C1orf21: variants seen among roughly 807,000 people sequenced by gnomAD.
The protein encoded by C1orf21 is chromosome 1 open reading frame 21, also known as uncharacterized protein C1orf21.
A neutral mutation model predicts 18.7 loss-of-function variants in C1orf21; 3 were observed. That is an observed-to-expected ratio of 0.16 (90% CI 0.07 to 0.42). The LOEUF (loss-of-function observed/expected upper bound fraction) is 0.42, where lower values mean the gene tolerates loss of function less well. Ranked by LOEUF, C1orf21 falls within the 10% of genes least tolerant of loss-of-function variation. The pLI, the probability that C1orf21 is intolerant of heterozygous loss-of-function variation, is 0.99. For missense variants in C1orf21, 104 were observed against 143.6 expected, an observed-to-expected ratio of 0.72 and a Z score of 1.41; for synonymous variants, 41 against 46.4, an observed-to-expected ratio of 0.88 and a Z score of 0.47.
At chr1:184,573,639 T>C (rs141191086) in intron 3 of C1orf21, among the ~76,000 whole-genome samples, 203 of 152,296 alleles carry the variant, frequency 1.3e-3, no homozygotes, top group African/African-American at 4.3e-3. Context: ...CTTCACTTTT[T>C]TTTTCTACAC....
At chr1:184,568,176 C>G in intron 3 of C1orf21, among the ~76,000 whole-genome samples, 1 of 152,194 alleles carries the variant, frequency 6.6e-6, no homozygotes, top group East Asian at 1.9e-4. Context: ...TTGAGAGCGA[C>G]TTTCCTTTTA....
intron 3 of C1orf21, among the ~76,000 whole-genome samples, chr1:184,545,567 A>G (rs1029486074): frequency 4.6e-5 from 7 of 152,010 alleles, no homozygotes; most frequent in Non-Finnish European, 7.4e-5. Context: ...AGGGAACTAT[A>G]CAGATCTTTA....
At chr1:184,543,164 A>G (rs1276093002) in intron 3 of C1orf21, among the ~76,000 whole-genome samples, 1 of 152,134 alleles carries the variant, frequency 6.6e-6, no homozygotes, top group Non-Finnish European at 1.5e-5. Context: ...TTGGCAATAT[A>G]GCAAGACACC....
intron 1 of C1orf21, among the ~76,000 whole-genome samples, chr1:184,416,487 A>G (rs1298229259): frequency 6.6e-6 from 1 of 152,156 alleles, no homozygotes; most frequent in Non-Finnish European, 1.5e-5. Context: ...GATTTTTTAT[A>G]CTAATCCCAA....
chr1:184,476,231 T>C (rs1429745355), intron 1 of C1orf21, among the ~76,000 whole-genome samples: 5 of 152,174 alleles, frequency 3.3e-5, no homozygotes, highest in African/African-American at 1.2e-4. Context: ...AGCTACTGTG[T>C]AGTAGCACTA....
chr1:184,572,910 C>T (rs999916454), intron 3 of C1orf21, among the ~76,000 whole-genome samples: 20 of 150,592 alleles, frequency 1.3e-4, no homozygotes, highest in Admixed American at 3.3e-4. Flanking sequence ...AAGATCACGC[C>T]ACTGTACTCT....
intron 1 of C1orf21, chr1:184,412,466 A>G (rs557757203): frequency 3.3e-5 from 5 of 152,400 alleles, no homozygotes; most frequent in African/African-American, 1.2e-4. Flanking sequence ...TGGATCAAAC[A>G]GATGAAACCA....
intron 1 of C1orf21, among the ~76,000 whole-genome samples, chr1:184,448,039 C>T (rs763236200): frequency 4.6e-5 from 7 of 152,130 alleles, no homozygotes; most frequent in South Asian, 4.1e-4. Flanking sequence ...CCACCCTACC[C>T]GCTTCTGTCT....
At chr1:184,447,590 G>A (rs1371158211) in intron 1 of C1orf21, among the ~76,000 whole-genome samples, 1 of 152,074 alleles carries the variant, frequency 6.6e-6, no homozygotes, top group Non-Finnish European at 1.5e-5. Flanking sequence ...CTCTGAATTG[G>A]CCTGGATTTC....
At chr1:184,475,508 T>A (rs1460909953) in intron 1 of C1orf21, among the ~76,000 whole-genome samples, 1 of 152,188 alleles carries the variant, frequency 6.6e-6, no homozygotes, top group Non-Finnish European at 1.5e-5. Flanking sequence ...AAATACTACT[T>A]CTTTCCTCTG....
intron 2 of C1orf21, among the ~76,000 whole-genome samples, chr1:184,480,239 G>A (rs1378943634): frequency 1.3e-5 from 2 of 152,078 alleles, no homozygotes; most frequent in Admixed American, 1.3e-4. Context: ...AACTGGAAAA[G>A]GAACAGCTAG....
At chr1:184,532,095 C>T (rs1658470363) in intron 3 of C1orf21, among the ~76,000 whole-genome samples, 1 of 150,930 alleles carries the variant, frequency 6.6e-6, no homozygotes, top group Non-Finnish European at 1.5e-5. Flanking sequence ...TCTGATTTTC[C>T]CTAGAAAGCC....
intron 1 of C1orf21, among the ~76,000 whole-genome samples, chr1:184,430,028 C>T (rs961265372): frequency 5.3e-5 from 8 of 149,974 alleles, no homozygotes; most frequent in East Asian, 2.0e-4. Context: ...AGGAGAATGG[C>T]GTGAACCCGG....
chr1:184,390,745 A>G (rs549020871), intron 1 of C1orf21, among the ~76,000 whole-genome samples: 1 of 152,266 alleles, frequency 6.6e-6, no homozygotes, highest in South Asian at 2.1e-4. Context: ...ACTTTTATGA[A>G]TAGGCTTTTA....
intron 3 of C1orf21, among the ~76,000 whole-genome samples, chr1:184,574,161 C>T (rs1186499127): frequency 6.6e-5 from 10 of 152,060 alleles, no homozygotes; most frequent in Admixed American, 4.6e-4. Flanking sequence ...GCTGAGATCA[C>T]GCCACTGCAC....
chr1:184,393,098 C>A lies in C1orf21; in HGVS notation c.-125+5730C>A, dbSNP rs146966750. Among the ~76,000 whole-genome samples the A allele has an allele frequency of 4.2e-3, 633 of 152,092 alleles. 6 individuals carry two copies. The highest frequency in any genetic ancestry group is 0.014 in the African/African-American group (577 of 41,484). On this transcript the variant is annotated intron_variant, in intron 1 of 5. Transcript: ENST00000235307. ...CCTGCCTCAGCCTCCCCAAGACCACCGCAGCATCAGCCACTGTGTCAGGCT... is the reference window on the plus strand; with the variant it reads ...CCTGCCTCAGCCTCCCCAAGACCACAGCAGCATCAGCCACTGTGTCAGGCT...
intron 3 of C1orf21, among the ~76,000 whole-genome samples, chr1:184,584,133 C>CTATTTT (rs1553257828): frequency 9.1e-4 from 103 of 113,236 alleles, no homozygotes; most frequent in African/African-American, 3.2e-3. Context: ...TGTTCTTCTT[C>CTATTTT]TTTTTTTTTT....
intron 1 of C1orf21, among the ~76,000 whole-genome samples, chr1:184,464,652 G>GTA (rs1309324066): frequency 2.0e-5 from 3 of 152,204 alleles, no homozygotes; most frequent in Admixed American, 1.3e-4. Context: ...GACTCTCATA[G>GTA]TAAGAGTTTA....
intron 1 of C1orf21, among the ~76,000 whole-genome samples, chr1:184,439,420 T>A (rs1321707013): frequency 6.6e-6 from 1 of 150,814 alleles, no homozygotes; most frequent in Non-Finnish European, 1.5e-5. Flanking sequence ...TATGTGATAC[T>A]ACCCAAGGGC....
Sources: allele counts gnomAD v4.1 joint callset (sites outside exome capture counted in the v4.1 genomes callset), GRCh38; gene constraint gnomAD v4.1.1; transcripts MANE v1.5; gene names NCBI Gene and HGNC (gene_info 2026-07-23, HGNC 2026-07-21).